Variants in RASAL2 observed in about 807,000 individuals in gnomAD.
The protein encoded by RASAL2 is RAS protein activator like 2.
In RASAL2, 58 loss-of-function variants were observed where a neutral mutation model predicts 128.9. The observed-to-expected ratio is 0.45, with a 90% CI of 0.36 to 0.56. The LOEUF is 0.56. Ranked by LOEUF, RASAL2 falls within the 20% of genes least tolerant of loss-of-function variation. The pLI is 0.00. For synonymous variants in RASAL2, 561 were observed against 580.8 expected (o/e 0.97, Z 0.49); for missense variants, 1,360 against 1,601.6 (o/e 0.85, Z 2.57).
chr1:178,336,556 T>C (rs1669594705), intron 3 of RASAL2, among the ~76,000 whole-genome samples: 1 of 152,078 alleles, frequency 6.6e-6, no homozygotes. Flanking sequence ...ATTAGCTTAA[T>C]AGGAAATCTG....
At chr1:178,202,118 T>C (rs1662893314) in intron 1 of RASAL2, among the ~76,000 whole-genome samples, 1 of 152,182 alleles carries the variant, frequency 6.6e-6, no homozygotes, top group African/African-American at 2.4e-5. Context: ...ATCACTGTGG[T>C]CCTCCAGTTA....
At chr1:178,233,482 G>A (rs924760498) in intron 1 of RASAL2, among the ~76,000 whole-genome samples, 1 of 152,190 alleles carries the variant, frequency 6.6e-6, no homozygotes, top group Non-Finnish European at 1.5e-5. Flanking sequence ...GGTGCTTATC[G>A]GTGGCAGAGA....
At chr1:178,411,888 T>A in intron 4 of RASAL2, 1 of 702,944 alleles carries the variant, frequency 1.4e-6, no homozygotes. Context: ...CCCCTGGACC[T>A]GGGGCCAGTC....
rs1370508469 is a variant in RASAL2 at position 178,094,499 on chromosome 1, C to G, written c.7C>G (p.Leu3Val). 6.4e-7 allele frequency: 1 copy of G among 1,554,632 alleles called. No homozygotes were observed. The highest frequency in any genetic ancestry group is 2.4e-5 in the East Asian group (1 of 41,234). The stretch of plus-strand genomic sequence containing the variant: ...CCTCCCGCCTCGGGGCACCATGGAG[C>G]TCTCTCCGTCGTCCGGAGGAGCCGC... ME[L>V]SPSSGGAAEA... is the part of the protein sequence containing the mutation. The change falls in exon 1 of 18, where the codon CTC becomes GTC. Residue 3 changes from leucine (L) to valine (V), a missense_variant. Coordinates refer to ENST00000367649, the MANE Select transcript of RASAL2 (RefSeq NM_170692.4).
At chr1:178,410,236 A>G (rs1674274829) in intron 4 of RASAL2, among the ~76,000 whole-genome samples, 1 of 152,150 alleles carries the variant, frequency 6.6e-6, no homozygotes, top group African/African-American at 2.4e-5. Context: ...AGAGAAAAAA[A>G]TATTACTGTT....
chr1:178,101,827 G>C (rs568656484), intron 1 of RASAL2, among the ~76,000 whole-genome samples: 1 of 152,214 alleles, frequency 6.6e-6, no homozygotes, highest in East Asian at 1.9e-4. Context: ...TAGGGAGATG[G>C]CCTCTCAAAG....
intron 1 of RASAL2, among the ~76,000 whole-genome samples, chr1:178,218,659 C>T (rs1025882990): frequency 5.3e-5 from 8 of 152,228 alleles, no homozygotes; most frequent in Non-Finnish European, 8.8e-5. Context: ...ACACTCCAGC[C>T]TGGGCGACAA....
intron 1 of RASAL2, among the ~76,000 whole-genome samples, chr1:178,099,974 A>T (rs868545781): frequency 1.3e-5 from 2 of 152,042 alleles, no homozygotes; most frequent in Non-Finnish European, 2.9e-5. Flanking sequence ...AAAAAACAAA[A>T]TCATACCAAG....
At chr1:178,180,841 A>T (rs1446903065) in intron 1 of RASAL2, among the ~76,000 whole-genome samples, 1 of 152,072 alleles carries the variant, frequency 6.6e-6, no homozygotes, top group Admixed American at 6.5e-5. Flanking sequence ...CCCACAATTT[A>T]TTCTGTATAC....
At chr1:178,263,726 A>T (rs1665805439) in intron 1 of RASAL2, among the ~76,000 whole-genome samples, 1 of 148,826 alleles carries the variant, frequency 6.7e-6, no homozygotes, top group South Asian at 2.1e-4. Context: ...AAAATCGTTT[A>T]AAAAAAAAAA....
At chr1:178,258,897 A>G (rs1665515846) in intron 1 of RASAL2, among the ~76,000 whole-genome samples, 2 of 152,162 alleles carry the variant, frequency 1.3e-5, no homozygotes, top group South Asian at 2.1e-4. Flanking sequence ...AAAATGTAGT[A>G]TATCTATACA....
At chr1:178,286,722 T>A (rs1031516654) in intron 2 of RASAL2, among the ~76,000 whole-genome samples, 1 of 152,210 alleles carries the variant, frequency 6.6e-6, no homozygotes, top group Admixed American at 6.5e-5. Flanking sequence ...TGTAGTCATC[T>A]TCTAACCTTC....
intron 17 of RASAL2, among the ~76,000 whole-genome samples, chr1:178,471,186 T>G (rs1648235431): frequency 1.3e-5 from 2 of 152,130 alleles, no homozygotes; most frequent in Non-Finnish European, 2.9e-5. Context: ...GCCTTATAAT[T>G]TATCCCAGTT....
At chr1:178,389,587 T>C (rs896813722) in intron 3 of RASAL2, among the ~76,000 whole-genome samples, 2 of 152,222 alleles carry the variant, frequency 1.3e-5, no homozygotes, top group Non-Finnish European at 2.9e-5. Context: ...TATGTTATTT[T>C]ATCTTGGCAG....
At chr1:178,229,076 C>T (rs2102018035) in intron 1 of RASAL2, among the ~76,000 whole-genome samples, 1 of 152,212 alleles carries the variant, frequency 6.6e-6, no homozygotes, top group African/African-American at 2.4e-5. Context: ...ACAGTTTGCC[C>T]CATTTGCTTT....
intron 1 of RASAL2, among the ~76,000 whole-genome samples, chr1:178,227,882 A>G (rs187364963): frequency 1.4e-4 from 21 of 152,334 alleles, no homozygotes; most frequent in Admixed American, 4.6e-4. Flanking sequence ...TAATGAATGT[A>G]GTAATCCAGT....
intron 1 of RASAL2, among the ~76,000 whole-genome samples, chr1:178,113,328 C>T (rs769806590): frequency 1.3e-5 from 2 of 151,474 alleles, no homozygotes; most frequent in Non-Finnish European, 2.9e-5. Flanking sequence ...CATTTGCATG[C>T]CCATAGGTCT....
chr1:178,171,707 A>G (rs1558094323), intron 1 of RASAL2, among the ~76,000 whole-genome samples: 1 of 151,868 alleles, frequency 6.6e-6, no homozygotes, highest in Non-Finnish European at 1.5e-5. Context: ...CTAAGGGATG[A>G]GGTTGGAGGA....
At chr1:178,467,024 G>C (rs766051027) in intron 16 of RASAL2, among the ~76,000 whole-genome samples, 4 of 152,106 alleles carry the variant, frequency 2.6e-5, no homozygotes, top group African/African-American at 9.7e-5. Flanking sequence ...ATTAAGAGAG[G>C]GTTGTTTGTT....
Sources: allele counts gnomAD v4.1 joint callset (sites outside exome capture counted in the v4.1 genomes callset), GRCh38; gene constraint gnomAD v4.1.1; transcripts MANE v1.5; gene names NCBI Gene and HGNC (gene_info 2026-07-23, HGNC 2026-07-21).